Variants in NKAIN3 observed in about 807,000 individuals in gnomAD.
NKAIN3 encodes the protein sodium/potassium transporting ATPase interacting 3.
NKAIN3 carries 25 observed loss-of-function variants against 30.2 expected under a neutral mutation model. The observed-to-expected ratio is 0.83, with a 90% CI of 0.60 to 1.16. The LOEUF (loss-of-function observed/expected upper bound fraction) is 1.16. NKAIN3 is among the 50% of genes most tolerant of loss of function. The probability of loss-of-function intolerance (pLI) is 0.00; values close to 1 mark genes in which losing one functional copy is unlikely to be tolerated. For missense variants in NKAIN3, 225 were observed against 254.1 expected (o/e 0.89, Z 0.78); for synonymous variants, 91 against 89.6 (o/e 1.02, Z -0.09).
At chr8:62,390,252 T>A (rs1340019306) in intron 1 of NKAIN3, among the ~76,000 whole-genome samples, 1 of 152,158 alleles carries the variant, frequency 6.6e-6, no homozygotes, top group Non-Finnish European at 1.5e-5. Context: ...TGTGTCCATT[T>A]CTTCTCATCA....
chr8:62,589,806 A>G lies in NKAIN3; in HGVS notation c.273+12A>G. On this transcript the variant is annotated intron_variant, in intron 3 of 6. Coordinates refer to ENST00000623646, the MANE Select transcript of NKAIN3 (RefSeq NM_001304533.3). ...GTGGACTCTCAAAGGTGAGTTTATC[A>G]TGCTTTTAAAGTACACTTTAAAATG... 6.7e-7 allele frequency: 1 copy of G among 1,494,452 alleles called. No individual in the cohort carries two copies. Among genetic ancestry groups the G allele is most frequent in the Non-Finnish European group, 9.3e-7 (1 of 1,075,226 alleles). 92.6% of individuals were successfully genotyped at this position (1,494,452 alleles called of 1,614,324 possible).
intron 3 of NKAIN3, among the ~76,000 whole-genome samples, chr8:62,614,186 A>C (rs1021873676): frequency 3.3e-5 from 5 of 152,116 alleles, no homozygotes; most frequent in African/African-American, 9.7e-5. Flanking sequence ...AGATATTTGA[A>C]AGGACTTGGG....
intron 1 of NKAIN3, among the ~76,000 whole-genome samples, chr8:62,398,517 C>T (rs1563380624): frequency 6.6e-6 from 1 of 152,190 alleles, no homozygotes; most frequent in Non-Finnish European, 1.5e-5. Context: ...TGTTGAATCT[C>T]TAGTATCAAT....
intron 1 of NKAIN3, among the ~76,000 whole-genome samples, chr8:62,260,392 T>A (rs1812400729): frequency 6.6e-6 from 1 of 152,186 alleles, no homozygotes; most frequent in Non-Finnish European, 1.5e-5. Flanking sequence ...TGATAATTCT[T>A]TACCAAATTT....
At chr8:62,561,580 G>A (rs1809578834) in intron 1 of NKAIN3, among the ~76,000 whole-genome samples, 1 of 152,118 alleles carries the variant, frequency 6.6e-6, no homozygotes, top group African/African-American at 2.4e-5. Flanking sequence ...ATCTGAAGGA[G>A]GTCCTCACGT....
chr8:62,858,707 C>T (rs1194056549), intron 4 of NKAIN3, among the ~76,000 whole-genome samples: 2 of 152,046 alleles, frequency 1.3e-5, no homozygotes, highest in Non-Finnish European at 2.9e-5. Context: ...TCAAAGTCCA[C>T]AGGCTGGAAC....
At chr8:62,316,837 C>T (rs1814653540) in intron 1 of NKAIN3, among the ~76,000 whole-genome samples, 1 of 151,950 alleles carries the variant, frequency 6.6e-6, no homozygotes, top group Non-Finnish European at 1.5e-5. Flanking sequence ...AGTTCTAGAT[C>T]CTGAGGAATC....
At chr8:62,801,198 A>T (rs1818051300) in intron 4 of NKAIN3, among the ~76,000 whole-genome samples, 1 of 152,204 alleles carries the variant, frequency 6.6e-6, no homozygotes, top group Non-Finnish European at 1.5e-5. Context: ...GGGCACAGAA[A>T]AACAAAAAGA....
intron 5 of NKAIN3, among the ~76,000 whole-genome samples, chr8:62,941,405 C>T (rs963366204): frequency 6.6e-5 from 10 of 152,034 alleles, no homozygotes; most frequent in African/African-American, 1.4e-4. Flanking sequence ...TTCTATGAAG[C>T]CACTATCACC....
At chr8:62,424,285 A>T (rs1804732207) in intron 1 of NKAIN3, among the ~76,000 whole-genome samples, 1 of 152,018 alleles carries the variant, frequency 6.6e-6, no homozygotes, top group Admixed American at 6.6e-5. Flanking sequence ...CACCAAAATC[A>T]CAGGCAAGAA....
intron 1 of NKAIN3, chr8:62,482,479 G>T (rs1331287146): frequency 6.6e-6 from 1 of 152,242 alleles, no homozygotes; most frequent in Non-Finnish European, 1.5e-5. Flanking sequence ...GCTGTGGTGG[G>T]GTTGCCACCC....
chr8:62,408,750 T>C (rs1335393796), intron 1 of NKAIN3, among the ~76,000 whole-genome samples: 4 of 152,168 alleles, frequency 2.6e-5, no homozygotes, highest in African/African-American at 4.8e-5. Context: ...AACAGCATTA[T>C]GGAGGAAAGT....
chr8:62,550,055 T>A (rs1809148460), intron 1 of NKAIN3, among the ~76,000 whole-genome samples: 1 of 151,746 alleles, frequency 6.6e-6, no homozygotes, highest in Non-Finnish European at 1.5e-5. Flanking sequence ...GACCAAGTTA[T>A]TAGAAACTCT....
intron 4 of NKAIN3, among the ~76,000 whole-genome samples, chr8:62,871,054 T>C (rs1820627449): frequency 6.6e-6 from 1 of 152,080 alleles, no homozygotes; most frequent in Non-Finnish European, 1.5e-5. Context: ...AAGGTTATAA[T>C]GTGATGTTTT....
chr8:62,493,427 C>T (rs997343669), intron 1 of NKAIN3, among the ~76,000 whole-genome samples: 1 of 152,060 alleles, frequency 6.6e-6, no homozygotes, highest in Non-Finnish European at 1.5e-5. Context: ...GTTACTATAG[C>T]CCTGTAATAT....
chr8:62,879,816 CA>C (rs1820919678), intron 4 of NKAIN3, among the ~76,000 whole-genome samples: 1 of 152,160 alleles, frequency 6.6e-6, no homozygotes, highest in African/African-American at 2.4e-5. Context: ...GAATGTATTG[CA>C]GTGTCTGAAG....
chr8:62,569,093 A>G (rs2130010444), intron 1 of NKAIN3, among the ~76,000 whole-genome samples: 1 of 152,242 alleles, frequency 6.6e-6, no homozygotes, highest in South Asian at 2.1e-4. Context: ...AAGCATTACA[A>G]ATATAGAATT....
intron 3 of NKAIN3, among the ~76,000 whole-genome samples, chr8:62,624,507 CTTTA>C (rs1811731033): frequency 7.1e-6 from 1 of 140,478 alleles, no homozygotes; most frequent in Non-Finnish European, 1.5e-5. Context: ...TTTCCTCTGG[CTTTA>C]TTTAGGTTTT....
intron 4 of NKAIN3, among the ~76,000 whole-genome samples, chr8:62,896,008 A>C (rs1193092441): frequency 6.6e-6 from 1 of 150,968 alleles, no homozygotes; most frequent in Non-Finnish European, 1.5e-5. Flanking sequence ...TTTTTGCTTC[A>C]TTGAGTCAGG....
Sources: allele counts gnomAD v4.1 joint callset (sites outside exome capture counted in the v4.1 genomes callset), GRCh38; gene constraint gnomAD v4.1.1; transcripts MANE v1.5; gene names NCBI Gene and HGNC (gene_info 2026-07-23, HGNC 2026-07-21).